Variants in SLCO1A2 observed in about 807,000 individuals in gnomAD.
SLCO1A2 encodes solute carrier organic anion transporter family member 1A2, also known as OATP-1.
SLCO1A2 carries 67 observed loss-of-function variants against 69.0 expected under a neutral mutation model. That is an observed-to-expected ratio of 0.97 (90% CI 0.80 to 1.19). The LOEUF (loss-of-function observed/expected upper bound fraction) is 1.19, where lower values mean the gene tolerates loss of function less well. SLCO1A2 is among the 50% of genes most tolerant of loss of function. SLCO1A2 has a pLI of 0.00. For missense variants in SLCO1A2, 787 were observed against 793.7 expected, an observed-to-expected ratio of 0.99 and a Z score of 0.10; for synonymous variants, 260 against 265.9, an observed-to-expected ratio of 0.98 and a Z score of 0.22.
intron 12 of SLCO1A2, among the ~76,000 whole-genome samples, chr12:21,281,257 T>G (rs956035513): frequency 6.6e-6 from 1 of 151,864 alleles, no homozygotes; most frequent in East Asian, 1.9e-4. Flanking sequence ...CAAGACCATC[T>G]TGGCCAACAT....
intron 6 of SLCO1A2, among the ~76,000 whole-genome samples, chr12:21,304,111 G>C (rs1388538368): frequency 6.6e-6 from 1 of 152,144 alleles, no homozygotes; most frequent in Non-Finnish European, 1.5e-5. Flanking sequence ...TGAATGCACA[G>C]AACATTTTAG....
rs1014748516 is a variant in SLCO1A2 at position 21,384,827 on chromosome 12, G to T, written c.-190+10079C>A. On this transcript the variant is annotated intron_variant, in intron 1 of 15. Transcript: ENST00000307378. ...GTCACTCAGGCTGGAGAGCGGTGGC[G>T]CGATCTCGGCTCACTTCAAGCTCCG... Among the ~76,000 whole-genome samples the T allele has an allele frequency of 4.7e-5, 7 of 149,742 alleles. 1 individual carries two copies. The highest frequency in any genetic ancestry group is 1.7e-4 in the African/African-American group (7 of 40,576).
intron 1 of SLCO1A2, chr12:21,378,443 A>G: frequency 1.3e-6 from 2 of 1,590,610 alleles, no homozygotes; most frequent in South Asian, 1.1e-5. Flanking sequence ...ATGTAACTCT[A>G]TAGTTATTGT....
intron 1 of SLCO1A2, chr12:21,380,122 A>G (rs958090092): frequency 6.6e-6 from 1 of 152,164 alleles, no homozygotes; most frequent in Non-Finnish European, 1.5e-5. Context: ...ATTGCATATC[A>G]CACCTATATA....
intron 1 of SLCO1A2, among the ~76,000 whole-genome samples, chr12:21,401,502 T>C (rs1275934086): frequency 6.6e-6 from 1 of 151,882 alleles, no homozygotes; most frequent in Non-Finnish European, 1.5e-5. Context: ...ACCTCCATAA[T>C]ATTATTAAAA....
chr12:21,404,850 C>T (rs1941796415), intron 1 of SLCO1A2, among the ~76,000 whole-genome samples: 1 of 152,172 alleles, frequency 6.6e-6, no homozygotes, highest in Non-Finnish European at 1.5e-5. Context: ...TACATTCCCA[C>T]CAACAGTGTA....
At chr12:21,417,157 A>G (rs1942001910) in intron 1 of SLCO1A2, among the ~76,000 whole-genome samples, 1 of 152,098 alleles carries the variant, frequency 6.6e-6, no homozygotes, top group South Asian at 2.1e-4. Context: ...GAAAGAAACA[A>G]AGAAAACTAA....
chr12:21,416,019 A>G (rs925991573), intron 1 of SLCO1A2, among the ~76,000 whole-genome samples: 4 of 152,024 alleles, frequency 2.6e-5, no homozygotes, highest in Non-Finnish European at 5.9e-5. Context: ...ATTACTTTTT[A>G]TACATAGTAT....
intron 2 of SLCO1A2, among the ~76,000 whole-genome samples, chr12:21,328,989 C>A (rs1348203894): frequency 6.6e-6 from 1 of 152,148 alleles, no homozygotes; most frequent in Non-Finnish European, 1.5e-5. Context: ...TGGGAAGTCC[C>A]ATTTCCAGAG....
At chr12:21,333,068 C>A (rs1053868008) in intron 2 of SLCO1A2, among the ~76,000 whole-genome samples, 1 of 151,998 alleles carries the variant, frequency 6.6e-6, no homozygotes, top group Non-Finnish European at 1.5e-5. Flanking sequence ...TTCTCTCTTC[C>A]CACTATAAAC....
chr12:21,298,321 T>TTCTAGTAATGTGTGGCCTGCC (rs879689301), intron 8 of SLCO1A2, among the ~76,000 whole-genome samples: 2 of 152,068 alleles, frequency 1.3e-5, no homozygotes, highest in East Asian at 1.9e-4. Context: ...TTTGGCCTGC[T>TTCTAGTAATGTGTGGCCTGCC]TCTAGTAATG....
At chr12:21,357,470 G>T (rs2137033203) in intron 2 of SLCO1A2, among the ~76,000 whole-genome samples, 3 of 152,302 alleles carry the variant, frequency 2.0e-5, no homozygotes, top group Middle Eastern at 6.8e-3. Context: ...CTCCAGAACT[G>T]TGAAACTATA....
At position 21,310,449 on chromosome 12, in the gene SLCO1A2, C is replaced by T. The variant is rs1251741427; in HGVS notation, c.336-3461G>A. 2.6e-5 allele frequency among the ~76,000 whole-genome samples: 4 copies of T among 152,242 alleles called. No homozygotes were observed. In the East Asian group the frequency reaches 7.7e-4, roughly 29 times the overall value. On this transcript the variant is annotated intron_variant, in intron 4 of 14. Coordinates refer to ENST00000683939, the MANE Select transcript of SLCO1A2 (RefSeq NM_001386879.1). ...CTTCTGCTGGTAGAGGCTTTAGCCT[C>T]CACGCTGATGGCTGCTGGCTGATCA...
At chr12:21,332,394 T>C (rs931513500) in intron 2 of SLCO1A2, among the ~76,000 whole-genome samples, 1 of 152,116 alleles carries the variant, frequency 6.6e-6, no homozygotes, top group Admixed American at 6.6e-5. Context: ...ATCATGCAGA[T>C]AAAGCCTCTA....
At chr12:21,292,395 A>C in intron 11 of SLCO1A2, 59 bp from the exon 12 acceptor site, 1 of 1,393,664 alleles carries the variant, frequency 7.2e-7, no homozygotes, top group Non-Finnish European at 9.9e-7. Context: ...AATTTTAAAC[A>C]TTTTCTACAC....
At chr12:21,363,186 A>G (rs1422068779) in intron 2 of SLCO1A2, among the ~76,000 whole-genome samples, 2 of 152,192 alleles carry the variant, frequency 1.3e-5, no homozygotes, top group Non-Finnish European at 2.9e-5. Context: ...AGAAATTATA[A>G]CAAACTGTCT....
intron 2 of SLCO1A2, among the ~76,000 whole-genome samples, chr12:21,325,931 T>A (rs1952190820): frequency 6.6e-6 from 1 of 152,176 alleles, no homozygotes; most frequent in Non-Finnish European, 1.5e-5. Context: ...CATGTAGCAC[T>A]TAACCTCCAA....
At chr12:21,365,603 A>C (rs1370963734) in intron 2 of SLCO1A2, among the ~76,000 whole-genome samples, 1 of 152,216 alleles carries the variant, frequency 6.6e-6, no homozygotes, top group Non-Finnish European at 1.5e-5. Context: ...CATCAGAGTG[A>C]ACAGGCAACC....
intron 14 of SLCO1A2, among the ~76,000 whole-genome samples, chr12:21,272,308 C>T (rs1422898611): frequency 6.6e-6 from 1 of 151,704 alleles, no homozygotes; most frequent in African/African-American, 2.4e-5. Context: ...TACTCTTGTA[C>T]AATTTGAAGT....
Sources: allele counts gnomAD v4.1 joint callset (sites outside exome capture counted in the v4.1 genomes callset), GRCh38; gene constraint gnomAD v4.1.1; transcripts MANE v1.5; gene names NCBI Gene and HGNC (gene_info 2026-07-23, HGNC 2026-07-21).